KCTD15: variants seen among roughly 807,000 people sequenced by gnomAD.
KCTD15 encodes BTB/POZ domain-containing protein KCTD15.
In KCTD15, 11 loss-of-function variants were observed where a neutral mutation model predicts 27.2. That is an observed-to-expected ratio of 0.41 (90% CI 0.25 to 0.67). The LOEUF (loss-of-function observed/expected upper bound fraction) is 0.67, where lower values mean the gene tolerates loss of function less well. Among genes scored for constraint, KCTD15 ranks in the 30% least tolerant of loss-of-function variants. KCTD15 has a pLI of 0.35. For missense variants in KCTD15, 350 were observed against 409.3 expected (o/e 0.86, Z 1.25); for synonymous variants, 163 against 176.0 (o/e 0.93, Z 0.58).
chr19:33,805,738 C>T (rs1302833422), intron 4 of KCTD15, among the ~76,000 whole-genome samples: 1 of 152,188 alleles, frequency 6.6e-6, no homozygotes, highest in Admixed American at 6.5e-5. Flanking sequence ...TGTTCCCAAA[C>T]CAAGCCCTTG....
In KCTD15 at chr19:33,800,473, C is replaced by CCTA; in HGVS notation, c.19_20insCTA (p.Glu6_Arg7insPro). 2 of 1,605,326 alleles carry CCTA rather than the reference C, an allele frequency of 1.2e-6. No individual in the cohort carries two copies. The highest frequency in any genetic ancestry group is 1.7e-6 in the Non-Finnish European group (2 of 1,177,120). ...AGCCTAGATGCCTCACCGCAAGGAGCGGCCGAGCGGGTCCTCGCTTCACAC... is the reference window on the plus strand; with the variant it reads ...AGCCTAGATGCCTCACCGCAAGGAGCCTAGGCCGAGCGGGTCCTCGCTTCACAC... On this transcript the variant is annotated inframe_insertion, in exon 3 of 7. Coordinates refer to ENST00000683859, the MANE Select transcript of KCTD15 (RefSeq NM_001129994.2).
upstream of KCTD15, among the ~76,000 whole-genome samples, chr19:33,795,676 A>T (rs1448576022): frequency 6.6e-6 from 1 of 151,974 alleles, no homozygotes; most frequent in African/African-American, 2.4e-5. Context: ...GGCGCAAAGG[A>T]AACAGGAGGA....
At chr19:33,811,726 A>G (rs1225221762) in intron 6 of KCTD15, 174 bp downstream of exon 6, 1 of 1,567,444 alleles carries the variant, frequency 6.4e-7, no homozygotes. Context: ...TCATAATTAA[A>G]TGATGGCGCC....
At chr19:33,802,838 T>A (rs368964270) in intron 4 of KCTD15, among the ~76,000 whole-genome samples, 40 of 152,136 alleles carry the variant, frequency 2.6e-4, no homozygotes, top group African/African-American at 9.2e-4. Flanking sequence ...CTCTGAAGAG[T>A]TTCCTGAAAT....
intron 5 of KCTD15, among the ~76,000 whole-genome samples, chr19:33,808,546 A>AGG (rs996932908): frequency 6.6e-6 from 1 of 151,838 alleles, no homozygotes; most frequent in Non-Finnish European, 1.5e-5. Flanking sequence ...ATGGACTGGG[A>AGG]GGGGAAGGTC....
intron 5 of KCTD15, 50 bp from the exon 6 acceptor site, chr19:33,811,189 CTTCCCCCA>C: frequency 8.9e-7 from 1 of 1,127,300 alleles, no homozygotes; most frequent in Non-Finnish European, 1.2e-6. Context: ...CCCTCTCCCC[CTTCCCCCA>C]CCACCCCTAC....
chr19:33,811,657 C>A (rs1326275081), intron 6 of KCTD15, 105 bp downstream of exon 6: 1 of 1,498,422 alleles, frequency 6.7e-7, no homozygotes. Flanking sequence ...AACGGTGAAG[C>A]CCCCCGTGCC....
intron 5 of KCTD15, among the ~76,000 whole-genome samples, chr19:33,810,667 A>T (rs1279936861): frequency 1.4e-5 from 2 of 141,472 alleles, no homozygotes; most frequent in Admixed American, 6.8e-5. Context: ...TGTCTCAAAA[A>T]ACAAAAACAA....
In KCTD15 at chr19:33,811,507, C is replaced by A. The variant is rs1215895890; in HGVS notation, c.648C>A (p.Val216=). ...GCTGGAACCAGGACCCCACGCACGT[C>A]ATCCGCTTCCCGCTCAATGGCTACT... ...NAGWNQDPTH[V]IRFPLNGYCR... is the part of the protein sequence containing the mutation. Residue 216 remains valine (V), a synonymous_variant, in exon 6 of 7, where the codon GTC becomes GTA. Coordinates refer to ENST00000683859, the MANE Select transcript of KCTD15 (RefSeq NM_001129994.2). The A allele has an allele frequency of 1.9e-6, 3 of 1,610,864 alleles. No individual in the cohort carries two copies. Among genetic ancestry groups the A allele is most frequent in the Middle Eastern group, 1.7e-4 (1 of 6,056 alleles).
At chr19:33,807,090 C>T (rs1285950579) in intron 5 of KCTD15, 83 bp downstream of exon 5, 3 of 1,451,208 alleles carry the variant, frequency 2.1e-6, no homozygotes, top group Non-Finnish European at 2.8e-6. Flanking sequence ...AAGTGGACCC[C>T]TGGTTGTCAT....
In KCTD15 at chr19:33,798,665, A is replaced by G. The variant is rs1410887769; in HGVS notation, c.-126-3A>G. 1 of 152,718 alleles carries G rather than the reference A, an allele frequency of 6.5e-6. No homozygotes were observed. The highest frequency in any genetic ancestry group is 2.4e-5 in the African/African-American group (1 of 41,472). The allele number at this position is 152,718 out of a possible 1,614,324, so 9.5% of individuals were successfully genotyped here. ...GCACCCACTTTTGTGCTTCTGACTT[A>G]AGCAGTGGTCTCGGAAAGAGGGTCG... On this transcript the variant is annotated splice_region_variant and splice_polypyrimidine_tract_variant and intron_variant, in intron 1 of 6. Coordinates refer to ENST00000683859, the MANE Select transcript of KCTD15 (RefSeq NM_001129994.2).
At chr19:33,798,048 C>G (rs1437585116) in intron 1 of KCTD15, among the ~76,000 whole-genome samples, 3 of 152,102 alleles carry the variant, frequency 2.0e-5, no homozygotes, top group African/African-American at 4.8e-5. Flanking sequence ...CCCGTCGCCC[C>G]TAAGTTCACA....
chr19:33,813,574 G>C lies in KCTD15; in HGVS notation c.*626G>C, dbSNP rs1168698103. On this transcript the variant is annotated 3_prime_UTR_variant, in exon 7 of 7. Coordinates refer to ENST00000683859, the MANE Select transcript of KCTD15 (RefSeq NM_001129994.2). ...GCTGCAGGGCTGCTGGGAGGAGAGT[G>C]GTGGGGGCCTGAGGGCTGAGTGATT... 1 of 356,474 alleles carries C rather than the reference G, an allele frequency of 2.8e-6. No individual in the cohort carries two copies. Among genetic ancestry groups the C allele is most frequent in the Non-Finnish European group, 5.5e-6 (1 of 181,450 alleles). 22.1% of individuals were successfully genotyped at this position (356,474 alleles called of 1,614,324 possible).
In KCTD15 at chr19:33,813,322, C is replaced by T. The variant is rs1447327407; in HGVS notation, c.*374C>T. On this transcript the variant is annotated 3_prime_UTR_variant, in exon 7 of 7. Coordinates refer to ENST00000683859, the MANE Select transcript of KCTD15 (RefSeq NM_001129994.2). ...TATCCCTCTCCACGCGGGGCAGACT[C>T]TGGCGGGTCTCCTAGCGTCCGAGAG... 3.8e-6 allele frequency: 2 copies of T among 523,446 alleles called. No homozygotes were observed. Among genetic ancestry groups the T allele is most frequent in the South Asian group, 3.1e-5 (2 of 64,984 alleles). The allele number at this position is 523,446 out of a possible 1,614,324, so 32.4% of individuals were successfully genotyped here.
intron 5 of KCTD15, among the ~76,000 whole-genome samples, chr19:33,809,250 C>T (rs1277130356): frequency 6.6e-6 from 1 of 152,172 alleles, no homozygotes; most frequent in African/African-American, 2.4e-5. Flanking sequence ...GCACTCCAGC[C>T]TGGGCAACAG....
intron 1 of KCTD15, among the ~76,000 whole-genome samples, chr19:33,797,656 CA>C: frequency 6.6e-6 from 1 of 152,018 alleles, no homozygotes; most frequent in East Asian, 2.0e-4. Flanking sequence ...CACACACTCG[CA>C]AACACACCCG....
upstream of KCTD15, among the ~76,000 whole-genome samples, chr19:33,795,485 C>G (rs1032673384): frequency 3.4e-4 from 52 of 152,036 alleles, no homozygotes; most frequent in African/African-American, 1.2e-3. Flanking sequence ...CAGGCCCGGC[C>G]GGAGCCGGCG....
chr19:33,811,559 G>A lies in KCTD15; in HGVS notation c.693+7G>A, dbSNP rs1432489825. On this transcript the variant is annotated splice_region_variant and intron_variant, in intron 6 of 6. Coordinates refer to ENST00000683859, the MANE Select transcript of KCTD15 (RefSeq NM_001129994.2). Reference sequence around the variant, plus strand: ...CCGGCTCAACTCGGTACAGGTGAGGGCTGCACGCTGCCCCCTCCCCGCCGC... The same window carrying A: ...CCGGCTCAACTCGGTACAGGTGAGGACTGCACGCTGCCCCCTCCCCGCCGC... 1 of 1,589,412 alleles carries A rather than the reference G, an allele frequency of 6.3e-7. No individual in the cohort carries two copies. Among genetic ancestry groups the A allele is most frequent in the East Asian group, 2.2e-5 (1 of 44,492 alleles).
chr19:33,800,290 G>C (rs1281431169), intron 2 of KCTD15, 138 bp from the exon 3 acceptor site: 1 of 668,110 alleles, frequency 1.5e-6, no homozygotes, highest in African/African-American at 1.8e-5. Context: ...AGTGGCGGTG[G>C]AGTCAATCAG....
Sources: gnomAD v4.1 joint callset for allele counts (sites outside exome capture counted in the v4.1 genomes callset) on GRCh38, gnomAD v4.1.1 for gene constraint, MANE v1.5 for transcripts, NCBI Gene and HGNC (gene_info 2026-07-23, HGNC 2026-07-21) for gene names.